The following FGF14 variants were observed in gnomAD, a reference collection of about 807,000 sequenced individuals.
FGF14 encodes the protein fibroblast growth factor homologous factor 4.
In FGF14, 5 loss-of-function variants were observed where a neutral mutation model predicts 25.5. That is an observed-to-expected ratio of 0.20 (90% confidence interval 0.10 to 0.41). The LOEUF (loss-of-function observed/expected upper bound fraction) is 0.41, where lower values mean the gene tolerates loss of function less well. Among genes scored for constraint, FGF14 ranks in the 10% least tolerant of loss-of-function variants. FGF14 has a pLI of 1.00. For missense variants in FGF14, 222 were observed against 320.1 expected, an observed-to-expected ratio of 0.69 and a Z score of 2.34; for synonymous variants, 138 against 118.3, an observed-to-expected ratio of 1.17 and a Z score of -1.08.
upstream of FGF14, among the ~76,000 whole-genome samples, chr13:101,919,851 T>C (rs956118951): frequency 1.3e-5 from 2 of 152,054 alleles, no homozygotes; most frequent in East Asian, 3.9e-4. Context: ...AGAGATACTC[T>C]TTCTTTCTCG....
At chr13:101,824,897 T>C (rs1277332844) in intron 3 of FGF14, among the ~76,000 whole-genome samples, 2 of 152,210 alleles carry the variant, frequency 1.3e-5, no homozygotes, top group Non-Finnish European at 2.9e-5. Context: ...TCCGGGTTGC[T>C]AAATACATCC....
At position 102,069,490 on chromosome 13, in the gene FGF14, T is replaced by C. The variant is rs548663691; in HGVS notation, c.209-194194A>G. 2.6e-5 allele frequency among the ~76,000 whole-genome samples: 4 copies of C among 152,306 alleles called. No homozygotes were observed. In the East Asian group the frequency reaches 7.7e-4, roughly 29 times the overall value. ...TTTCGCTCTTTGCAATAAATCTTGC[T>C]ACTGCTCACTCTTTGGGTCCACGCT... On this transcript the variant is annotated intron_variant, in intron 1 of 4. Transcript: ENST00000376131.
intron 1 of FGF14, among the ~76,000 whole-genome samples, chr13:102,334,537 T>C (rs1364567546): frequency 6.6e-6 from 1 of 152,100 alleles, no homozygotes; most frequent in Non-Finnish European, 1.5e-5. Flanking sequence ...ATAAAACAAA[T>C]GAGATGTTCT....
chr13:102,263,813 C>G (rs931295665), intron 1 of FGF14, among the ~76,000 whole-genome samples: 2 of 152,136 alleles, frequency 1.3e-5, no homozygotes. Context: ...ATAATTCACT[C>G]TCTGGTATAT....
intron 1 of FGF14, among the ~76,000 whole-genome samples, chr13:101,903,541 CT>C (rs570272743): frequency 2.0e-5 from 3 of 150,976 alleles, no homozygotes; most frequent in East Asian, 1.9e-4. Context: ...CTTGGGTAGG[CT>C]TTTTTTTTCC....
intron 1 of FGF14, among the ~76,000 whole-genome samples, chr13:102,259,337 C>A (rs2052602847): frequency 6.6e-6 from 1 of 152,200 alleles, no homozygotes; most frequent in Non-Finnish European, 1.5e-5. Flanking sequence ...CACCCCCTGC[C>A]ATCTCTCCTA....
At chr13:101,902,415 C>A (rs547546529) in intron 1 of FGF14, among the ~76,000 whole-genome samples, 1 of 152,206 alleles carries the variant, frequency 6.6e-6, no homozygotes, top group African/African-American at 2.4e-5. Context: ...GACAAATACC[C>A]AATATTTGTG....
chr13:101,907,898 T>A (rs190596344), intron 1 of FGF14, among the ~76,000 whole-genome samples: 1 of 152,150 alleles, frequency 6.6e-6, no homozygotes, highest in East Asian at 1.9e-4. Context: ...TGAACTTAGA[T>A]TACAGCACTA....
intron 1 of FGF14, among the ~76,000 whole-genome samples, chr13:101,981,014 G>C (rs991935260): frequency 2.6e-5 from 4 of 151,380 alleles, no homozygotes; most frequent in African/African-American, 9.7e-5. Flanking sequence ...GGCTGAGGTG[G>C]GTGGATTGCC....
At chr13:102,329,093 G>A (rs1053156674) in intron 1 of FGF14, among the ~76,000 whole-genome samples, 1 of 152,138 alleles carries the variant, frequency 6.6e-6, no homozygotes, top group African/African-American at 2.4e-5. Context: ...TGACCTAACT[G>A]CTGAAGTTCT....
chr13:102,074,742 T>G (rs2043291534), intron 1 of FGF14, among the ~76,000 whole-genome samples: 1 of 152,152 alleles, frequency 6.6e-6, no homozygotes, highest in East Asian at 1.9e-4. Context: ...TTCACCATGA[T>G]TAAGTGCAAT....
At chr13:102,092,660 A>T (rs1183832216) in intron 1 of FGF14, among the ~76,000 whole-genome samples, 2 of 152,214 alleles carry the variant, frequency 1.3e-5, no homozygotes, top group Non-Finnish European at 2.9e-5. Context: ...TAATTTTAAC[A>T]TGAAAGAAAT....
chr13:101,753,168 A>C (rs756826150), intron 3 of FGF14, among the ~76,000 whole-genome samples: 1 of 152,132 alleles, frequency 6.6e-6, no homozygotes, highest in Non-Finnish European at 1.5e-5. Flanking sequence ...CAACATTTTA[A>C]ATATATAAGT....
At chr13:102,017,149 T>C in intron 1 of FGF14, 1 of 235,092 alleles carries the variant, frequency 4.3e-6, no homozygotes, top group Non-Finnish European at 8.6e-6. Context: ...TCCCCAAGTA[T>C]GCTGCTAGCT....
chr13:101,980,539 T>C (rs2038186536), intron 1 of FGF14, among the ~76,000 whole-genome samples: 1 of 152,176 alleles, frequency 6.6e-6, no homozygotes, highest in African/African-American at 2.4e-5. Flanking sequence ...AGGACAAAAT[T>C]TCAGGATTTA....
intron 1 of FGF14, among the ~76,000 whole-genome samples, chr13:102,038,640 A>C (rs1267941745): frequency 6.6e-6 from 1 of 152,072 alleles, no homozygotes; most frequent in African/African-American, 2.4e-5. Context: ...ACTCATCTTT[A>C]GTTGGTTGTA....
intron 3 of FGF14, among the ~76,000 whole-genome samples, chr13:101,769,096 T>C (rs1032222657): frequency 6.6e-6 from 1 of 152,094 alleles, no homozygotes; most frequent in African/African-American, 2.4e-5. Flanking sequence ...AAATATCTCT[T>C]AAAGCCCAGT....
intron 3 of FGF14, among the ~76,000 whole-genome samples, chr13:101,820,295 A>T (rs2042048542): frequency 6.6e-6 from 1 of 152,236 alleles, no homozygotes; most frequent in African/African-American, 2.4e-5. Context: ...AGATTTCTTT[A>T]TGCATATCAC....
At position 101,953,140 on chromosome 13, in the gene FGF14, C is replaced by T. The variant is rs183001341; in HGVS notation, c.209-77844G>A. On this transcript the variant is annotated intron_variant, in intron 1 of 4. Coordinates refer to the FGF14 transcript ENST00000376131. ...CTTTATTACTTTACAATCTCAGAAG[C>T]GTCAACAGTTGTTCTATGTCATTTT... Among the ~76,000 whole-genome samples the T allele has an allele frequency of 9.8e-5, 15 of 152,294 alleles. No individual in the cohort carries two copies. In the East Asian group the frequency reaches 1.9e-3, roughly 20 times the overall value.
Sources: gnomAD v4.1 joint callset for allele counts (sites outside exome capture counted in the v4.1 genomes callset) on GRCh38, gnomAD v4.1.1 for gene constraint, MANE v1.5 for transcripts, NCBI Gene and HGNC (gene_info 2026-07-23, HGNC 2026-07-21) for gene names.